ITGB8: variants seen among roughly 807,000 people sequenced by gnomAD.
ITGB8 encodes integrin beta-8.
Under a neutral mutation model 89.5 loss-of-function variants are expected in ITGB8, and 30 were observed. That is an observed-to-expected ratio of 0.34 (90% CI 0.25 to 0.45). The LOEUF is 0.45. Among genes scored for constraint, ITGB8 ranks in the 20% least tolerant of loss-of-function variants. The probability of loss-of-function intolerance (pLI) is 1.00; values close to 1 mark genes in which losing one functional copy is unlikely to be tolerated. For missense variants in ITGB8, 836 were observed against 933.3 expected (o/e 0.90, Z 1.36); for synonymous variants, 335 against 320.4 (o/e 1.05, Z -0.49).
In ITGB8 at chr7:20,366,842, T is replaced by C. The variant is rs867792337; in HGVS notation, c.214-170T>C. The C allele has an allele frequency of 6.1e-5, 33 of 544,466 alleles. No homozygotes were observed. The African/African-American group carries it at 6.2e-4, about 10-fold the overall frequency. The allele number at this position is 544,466 out of a possible 1,614,324, so 33.7% of individuals were successfully genotyped here. A position where few individuals can be genotyped will look rare whatever the true frequency, so the allele number is the denominator to read the frequency against. Reference sequence around the variant, plus strand: ...TCAAATAGGTTTTAGATGCAGAAAGTTGGAGTAGGATTTTTGCTTGTGTTT... The same window carrying C: ...TCAAATAGGTTTTAGATGCAGAAAGCTGGAGTAGGATTTTTGCTTGTGTTT... On this transcript the variant is annotated intron_variant, in intron 2 of 13. Coordinates refer to ENST00000222573, the MANE Select transcript of ITGB8 (RefSeq NM_002214.3).
chr7:20,331,569 C>G lies in ITGB8; in HGVS notation c.-238C>G, dbSNP rs1442773035. 5 of 458,544 alleles carry G rather than the reference C, an allele frequency of 1.1e-5. No homozygotes were observed. The highest frequency in any genetic ancestry group is 4.4e-5 in the Admixed American group (1 of 22,928). 28.4% of individuals were successfully genotyped at this position (458,544 alleles called of 1,614,324 possible). ...TGGCCGTCGAAGGAGGTGCTTCTCG[C>G]GGAGACCGCGGGACCCGCCGTGCCG... On this transcript the variant is annotated 5_prime_UTR_variant, in exon 1 of 14. Transcript: ENST00000222573.
rs141628008 is a variant in ITGB8 at position 20,363,653 on chromosome 7, A to G, written c.144A>G (p.Ala48=). Residue 48 remains alanine (A), a synonymous_variant, in exon 2 of 14, where the codon GCA becomes GCG. Transcript: ENST00000222573. ...TCATTGCAGAAGACAATAGATGTGC[A>G]TCTTCAAATGCAGCATCCTGTGCCA... is the stretch of plus-strand genomic sequence containing the variant. ...GLGQGEDNRC[A]SSNAASCARC... 8 of 1,599,946 alleles carry G rather than the reference A, an allele frequency of 5.0e-6. No homozygotes were observed. The highest frequency in any genetic ancestry group is 3.5e-5 in the Admixed American group (2 of 56,566).
At chr7:20,383,515 CAA>C (rs1006403593) in intron 6 of ITGB8, among the ~76,000 whole-genome samples, 14 of 152,018 alleles carry the variant, frequency 9.2e-5, no homozygotes, top group Admixed American at 8.5e-4. Context: ...TATTGTGAGA[CAA>C]AGAGAAGGTT....
chr7:20,363,201 A>T (rs1251562443), intron 1 of ITGB8, among the ~76,000 whole-genome samples: 1 of 152,194 alleles, frequency 6.6e-6, no homozygotes, highest in Non-Finnish European at 1.5e-5. Context: ...GTGAATTTAT[A>T]TGTTGAGATT....
chr7:20,331,561 G>T lies in ITGB8; in HGVS notation c.-246G>T. The T allele has an allele frequency of 2.2e-6, 1 of 451,750 alleles. No homozygotes were observed. The highest frequency in any genetic ancestry group is 3.8e-6 in the Non-Finnish European group (1 of 262,806). 28.0% of individuals were successfully genotyped at this position (451,750 alleles called of 1,614,324 possible). On this transcript the variant is annotated 5_prime_UTR_variant, in exon 1 of 14. Transcript: ENST00000222573. ...GGGGCCCTTGGCCGTCGAAGGAGGT[G>T]CTTCTCGCGGAGACCGCGGGACCCG...
At chr7:20,382,647 CA>C (rs1390814997) in intron 6 of ITGB8, among the ~76,000 whole-genome samples, 1 of 152,170 alleles carries the variant, frequency 6.6e-6, no homozygotes, top group Non-Finnish European at 1.5e-5. Flanking sequence ...TATTCCATGA[CA>C]CCCGTGGGTC....
intron 12 of ITGB8, 93 bp downstream of exon 12, chr7:20,406,264 G>A (rs1787539084): frequency 1.2e-6 from 1 of 838,978 alleles, no homozygotes; most frequent in Non-Finnish European, 2.0e-6. Context: ...CTAAAGAAAG[G>A]ACTGGGCCGG....
intron 10 of ITGB8, among the ~76,000 whole-genome samples, chr7:20,402,704 CCTTA>C (rs1287959286): frequency 2.0e-5 from 3 of 152,158 alleles, no homozygotes; most frequent in Non-Finnish European, 4.4e-5. Flanking sequence ...GAAAATACTG[CCTTA>C]CTAAGTAATC....
At chr7:20,372,977 G>A (rs1785994571) in intron 3 of ITGB8, among the ~76,000 whole-genome samples, 1 of 152,178 alleles carries the variant, frequency 6.6e-6, no homozygotes, top group Admixed American at 6.5e-5. Flanking sequence ...ACTCCATGAT[G>A]TGAAAGTCCT....
At chr7:20,364,023 T>A (rs1785600925) in intron 2 of ITGB8, among the ~76,000 whole-genome samples, 1 of 152,212 alleles carries the variant, frequency 6.6e-6, no homozygotes, top group Non-Finnish European at 1.5e-5. Context: ...GATAGTTAAG[T>A]AGGCTTTGGT....
At chr7:20,409,840 CCCTTA>C (rs1375244862) in intron 13 of ITGB8, 30 bp from the exon 14 acceptor site, 1 of 1,610,192 alleles carries the variant, frequency 6.2e-7, no homozygotes, top group Non-Finnish European at 8.5e-7. Flanking sequence ...AATATTTAGG[CCCTTA>C]GTTAATAATA....
In ITGB8 at chr7:20,364,261, T is replaced by A. The variant is rs577837653; in HGVS notation, c.213+539T>A. ...CTAGTAAATTGCACTGAAGAAGCGATCTGCTAATCTGGGGTTTCTTCTTGT... is the reference window on the plus strand; with the variant it reads ...CTAGTAAATTGCACTGAAGAAGCGAACTGCTAATCTGGGGTTTCTTCTTGT... On this transcript the variant is annotated intron_variant, in intron 2 of 13. Transcript: ENST00000222573. 3.3e-5 allele frequency among the ~76,000 whole-genome samples: 5 copies of A among 152,276 alleles called. No homozygotes were observed. The South Asian group carries it at 1.0e-3, about 32-fold the overall frequency.
At position 20,415,375 on chromosome 7, in the gene ITGB8, T is replaced by C. The variant is rs1318441008; in HGVS notation, c.*5378T>C. 6.6e-6 allele frequency: 1 copy of C among 151,886 alleles called. No individual in the cohort carries two copies. The highest frequency in any genetic ancestry group is 2.4e-5 in the African/African-American group (1 of 41,422). The allele number at this position is 151,886 out of a possible 1,614,324, so 9.4% of individuals were successfully genotyped here. A position where few individuals can be genotyped will look rare whatever the true frequency, so the allele number is the denominator to read the frequency against. ...TGCGTTTGTAAAAATAAATTTAATATAGAATATATTTTTAAATTAAATATT... is the reference window on the plus strand; with the variant it reads ...TGCGTTTGTAAAAATAAATTTAATACAGAATATATTTTTAAATTAAATATT... On this transcript the variant is annotated 3_prime_UTR_variant, in exon 14 of 14. Coordinates refer to ENST00000222573, the MANE Select transcript of ITGB8 (RefSeq NM_002214.3).
chr7:20,360,348 A>ATTTTTTTT (rs71020629), intron 1 of ITGB8, among the ~76,000 whole-genome samples: 3,079 of 127,666 alleles, frequency 0.024, 108 homozygotes, highest in South Asian at 0.051. Context: ...CAGTCCTTTA[A>ATTTTTTTT]TTTTTTTTTT....
At chr7:20,333,524 C>T (rs1256844996) in intron 1 of ITGB8, among the ~76,000 whole-genome samples, 3 of 152,172 alleles carry the variant, frequency 2.0e-5, no homozygotes, top group Admixed American at 6.5e-5. Flanking sequence ...TCCCAACGTA[C>T]AGGCAAAGGA....
chr7:20,406,071 G>T lies in ITGB8; in HGVS notation c.1923G>T (p.Met641Ile). 2 of 1,591,174 alleles carry T rather than the reference G, an allele frequency of 1.3e-6. No individual in the cohort carries two copies. The highest frequency in any genetic ancestry group is 8.6e-7 in the Non-Finnish European group (1 of 1,159,346). Residue 641 changes from methionine to isoleucine, a missense_variant, in exon 12 of 14, where the codon ATG becomes ATT. By Grantham distance (10) the Met-to-Ile change is conservative. Around this residue, in one of 5 missense-constraint regions of ITGB8, gnomAD observed 422 missense variants for 416.9 expected, o/e 1.01. Transcript: ENST00000222573. ...YTACKENWNC[M>I]QCLHPHNLSQ... is the part of the protein sequence containing the mutation. ...CTGTTTCCCCTTGCAGGAATTGTAT[G>T]CAATGCCTTCACCCTCACAATTTGT...
chr7:20,353,690 T>C (rs1433444159), intron 1 of ITGB8, among the ~76,000 whole-genome samples: 3 of 151,302 alleles, frequency 2.0e-5, no homozygotes, highest in African/African-American at 4.9e-5. Context: ...TCCCAGCACT[T>C]TGGGAGGCCG....
At chr7:20,338,425 G>A (rs981153091) in intron 1 of ITGB8, among the ~76,000 whole-genome samples, 1 of 151,990 alleles carries the variant, frequency 6.6e-6, no homozygotes, top group Non-Finnish European at 1.5e-5. Flanking sequence ...TCAGGAGTTC[G>A]AGACCAGCCT....
chr7:20,381,877 A>G lies in ITGB8; in HGVS notation c.952A>G (p.Thr318Ala). 6.2e-7 allele frequency: 1 copy of G among 1,611,714 alleles called. No homozygotes were observed. ...HLKNNVYVKSTTMEHPSLGQL... is the reference protein window; with the variant it reads ...HLKNNVYVKSATMEHPSLGQL... ...GAAAAACAACGTCTATGTCAAATCG[A>G]CAACCATGGTAATGCAGCAGTAACC... The change falls in exon 6 of 14, where the codon ACA (threonine) becomes GCA (alanine). Residue 318 changes from threonine to alanine, a missense_variant. By Grantham distance (58) the Thr-to-Ala change is moderately conservative (BLOSUM62 0). Around this residue, in one of 5 missense-constraint regions of ITGB8, gnomAD observed 192 missense variants for 267.1 expected, o/e 0.72. Transcript: ENST00000222573.
Sources: gnomAD v4.1 joint callset for allele counts (sites outside exome capture counted in the v4.1 genomes callset) on GRCh38, gnomAD v4.1.1 for gene constraint, gnomAD v4.1.1 regional missense constraint, MANE v1.5 for transcripts, NCBI Gene and HGNC (gene_info 2026-07-23, HGNC 2026-07-21) for gene names.